The following PCDHGA1 variants were observed in gnomAD, a reference collection of about 807,000 sequenced individuals.
The protein encoded by PCDHGA1 is protocadherin gamma subfamily A, 1, also known as protocadherin gamma-A1.
A neutral mutation model predicts 58.0 loss-of-function variants in PCDHGA1; 32 were observed. The observed-to-expected ratio is 0.55, with a 90% CI of 0.42 to 0.74. The LOEUF is 0.74. Among genes scored for constraint, PCDHGA1 ranks in the 30% least tolerant of loss-of-function variants. The probability of loss-of-function intolerance (pLI) is 0.00; values close to 1 mark genes in which losing one functional copy is unlikely to be tolerated. For missense variants in PCDHGA1, 1,205 were observed against 1,182.3 expected (o/e 1.02, Z -0.28); for synonymous variants, 498 against 501.1 (o/e 0.99, Z 0.08).
intron 1 of PCDHGA1, among the ~76,000 whole-genome samples, chr5:141,481,063 C>T (rs2154578481): frequency 6.6e-6 from 1 of 151,952 alleles, no homozygotes; most frequent in Middle Eastern, 3.4e-3. Context: ...ACCTCAAAAA[C>T]AAAAAGAAAG....
Position 141,511,390 on chromosome 5 carries a change from C to T in PCDHGA1, c.*217C>T, listed in dbSNP as rs2099883760. 1.8e-6 allele frequency: 2 copies of T among 1,101,460 alleles called. No individual in the cohort carries two copies. Among genetic ancestry groups the T allele is most frequent in the Admixed American group, 2.9e-5 (1 of 34,440 alleles). The allele number at this position is 1,101,460 out of a possible 1,614,324, so 68.2% of individuals were successfully genotyped here. A position where few individuals can be genotyped will look rare whatever the true frequency, so the allele number is the denominator to read the frequency against. On this transcript the variant is annotated 3_prime_UTR_variant, in exon 4 of 4. Transcript: ENST00000517417. ...ATGCAAAAGCAGTTCCGCTGGGAAC[C>T]CCCATCCAATCAACTGCTGTACCCA... is the stretch of plus-strand genomic sequence containing the variant.
At chr5:141,433,362 T>C (rs1285511534) in intron 1 of PCDHGA1, 6 of 299,814 alleles carry the variant, frequency 2.0e-5, no homozygotes, top group Non-Finnish European at 2.5e-5. Flanking sequence ...TGTCTGCCTA[T>C]CTATCTATCT....
intron 1 of PCDHGA1, chr5:141,387,731 C>A (rs909205011): frequency 6.4e-6 from 8 of 1,254,262 alleles, no homozygotes; most frequent in East Asian, 2.5e-5. Flanking sequence ...CCAGCGCCAG[C>A]CTTTACACCG....
At chr5:141,455,041 T>C (rs971722465) in intron 1 of PCDHGA1, among the ~76,000 whole-genome samples, 2 of 151,234 alleles carry the variant, frequency 1.3e-5, no homozygotes, top group Non-Finnish European at 2.9e-5. Flanking sequence ...CTCGATCTCC[T>C]GACCTCGTGA....
chr5:141,492,224 T>C (rs2099738444), intron 1 of PCDHGA1, among the ~76,000 whole-genome samples: 1 of 152,134 alleles, frequency 6.6e-6, no homozygotes, highest in South Asian at 2.1e-4. Flanking sequence ...CTCATGCGTG[T>C]CCTCCCTGCT....
At chr5:141,403,348 G>C (rs1031512427) in intron 1 of PCDHGA1, 2 of 1,614,052 alleles carry the variant, frequency 1.2e-6, no homozygotes, top group Middle Eastern at 1.6e-4. Flanking sequence ...GCGCCCCAAA[G>C]TTCCAGGCCG....
At position 141,490,960 on chromosome 5, in the gene PCDHGA1, T is replaced by G. The variant is rs1384140919; in HGVS notation, c.2422-3847T>G. 1.9e-6 allele frequency: 3 copies of G among 1,613,794 alleles called. No individual in the cohort carries two copies. In the Admixed American group the frequency reaches 5.0e-5, roughly 27 times the overall value. On this transcript the variant is annotated intron_variant, in intron 1 of 3. Transcript: ENST00000517417. The surrounding 1 kb of genome is among the most constrained non-coding windows in gnomAD (Gnocchi z 5.4). ...GCACCCACGGCCAGACTGGGAACAC[T>G]CAGCCCCCCAGCGTCTCCCTCGCTC...
At chr5:141,340,621 G>C in intron 1 of PCDHGA1, 2 of 1,614,234 alleles carry the variant, frequency 1.2e-6, no homozygotes, top group Non-Finnish European at 8.5e-7. Context: ...CATTAAGCCT[G>C]TTCGTGCTGG....
At chr5:141,361,005 CT>C (rs1761838030) in intron 1 of PCDHGA1, 1 of 1,613,186 alleles carries the variant, frequency 6.2e-7, no homozygotes, top group East Asian at 2.2e-5. Context: ...AAGTGAAACA[CT>C]TTTTCAACTT....
rs1292783135 is a variant in PCDHGA1 at position 141,374,085 on chromosome 5, T to C, written c.2421+40980T>C. The stretch of plus-strand genomic sequence containing the variant: ...AGAGAAGTTCCTAATAAGCCAGTAA[T>C]GGCGCCTCCGCAGAGGCATCCGCAG... On this transcript the variant is annotated intron_variant, in intron 1 of 3. Coordinates refer to ENST00000517417, the MANE Select transcript of PCDHGA1 (RefSeq NM_018912.3). 12 of 1,528,732 alleles carry C rather than the reference T, an allele frequency of 7.8e-6. No individual in the cohort carries two copies. In the Admixed American group the frequency reaches 2.2e-4, roughly 28 times the overall value. 94.7% of individuals were successfully genotyped at this position (1,528,732 alleles called of 1,614,324 possible).
chr5:141,480,112 C>T (rs531082602), intron 1 of PCDHGA1, among the ~76,000 whole-genome samples: 2 of 152,190 alleles, frequency 1.3e-5, no homozygotes, highest in Admixed American at 1.3e-4. Flanking sequence ...TAGCATGGTG[C>T]CTGGCATATC....
intron 1 of PCDHGA1, among the ~76,000 whole-genome samples, chr5:141,468,890 G>A (rs2099184679): frequency 6.6e-6 from 1 of 151,592 alleles, no homozygotes; most frequent in African/African-American, 2.4e-5. Flanking sequence ...TAATAATAAG[G>A]TACTAATATG....
intron 1 of PCDHGA1, among the ~76,000 whole-genome samples, chr5:141,455,125 A>G (rs952979433): frequency 3.5e-4 from 53 of 151,762 alleles, no homozygotes; most frequent in Non-Finnish European, 1.0e-4. Flanking sequence ...CTAATGTTTT[A>G]AATTACACTG....
Position 141,417,626 on chromosome 5 carries a change from T to C in PCDHGA1, c.2422-77181T>C, listed in dbSNP as rs1156653216. ...CCGTCGGCCAGTGCAGAGCAAGCGC[T>C]GACGCCGGGGATCCCTCAGCCTCTA... On this transcript the variant is annotated intron_variant, in intron 1 of 3. Coordinates refer to ENST00000517417, the MANE Select transcript of PCDHGA1 (RefSeq NM_018912.3). The C allele has an allele frequency of 4.4e-6, 3 of 689,458 alleles. No homozygotes were observed. In the African/African-American group the frequency reaches 5.4e-5, roughly 12 times the overall value. The allele number at this position is 689,458 out of a possible 1,614,324, so 42.7% of individuals were successfully genotyped here. A position where few individuals can be genotyped will look rare whatever the true frequency, so the allele number is the denominator to read the frequency against.
intron 1 of PCDHGA1, chr5:141,400,209 G>C: frequency 3.1e-6 from 5 of 1,614,052 alleles, no homozygotes; most frequent in Non-Finnish European, 4.2e-6. Context: ...CCTTGGCCTT[G>C]ATCTCAGTGC....
intron 1 of PCDHGA1, chr5:141,408,748 T>A (rs757813921): frequency 2.5e-6 from 4 of 1,608,714 alleles, no homozygotes; most frequent in Non-Finnish European, 3.4e-6. Flanking sequence ...CATTAATGGT[T>A]AGAGTTAATT....
intron 3 of PCDHGA1, among the ~76,000 whole-genome samples, chr5:141,507,518 A>T (rs1323767789): frequency 6.6e-6 from 1 of 152,132 alleles, no homozygotes; most frequent in African/African-American, 2.4e-5. Flanking sequence ...TGGGGCTATG[A>T]TTCCAGAGAG....
chr5:141,402,937 C>A, intron 1 of PCDHGA1: 2 of 1,588,498 alleles, frequency 1.3e-6, no homozygotes, highest in Non-Finnish European at 1.7e-6. Flanking sequence ...TGAGAAAATT[C>A]CAAAGCGAGG....
At chr5:141,415,750 T>TTTG in intron 1 of PCDHGA1, 2 of 1,313,212 alleles carry the variant, frequency 1.5e-6, no homozygotes, top group African/African-American at 1.6e-5. Context: ...GTTTTTTTTT[T>TTTG]TTTTTTTTTT....
Sources: gnomAD v4.1 joint callset for allele counts (sites outside exome capture counted in the v4.1 genomes callset) on GRCh38, gnomAD v4.1.1 for gene constraint, Gnocchi (gnomAD v3.1) non-coding constraint, MANE v1.5 for transcripts, NCBI Gene and HGNC (gene_info 2026-07-23, HGNC 2026-07-21) for gene names.